UNK: variants seen among roughly 807,000 people sequenced by gnomAD.
The protein encoded by UNK is RING finger protein unkempt homolog.
A neutral mutation model predicts 97.6 loss-of-function variants in UNK; 32 were observed. The observed-to-expected ratio is 0.33, with a 90% confidence interval of 0.25 to 0.44. The LOEUF (loss-of-function observed/expected upper bound fraction) is 0.44, where lower values mean the gene tolerates loss of function less well. Ranked by LOEUF, UNK falls within the 20% of genes least tolerant of loss-of-function variation. UNK has a pLI of 1.00. For synonymous variants in UNK, 441 were observed against 461.2 expected, an observed-to-expected ratio of 0.96 and a Z score of 0.56; for missense variants, 771 against 1,098.4, an observed-to-expected ratio of 0.70 and a Z score of 4.21.
rs1472524784 is a variant in UNK, at chr17:75,791,923, C to A, written c.104+6939C>A. ...CTTGGGCACACTCTATAAAGGAGCT[C>A]CTTCTCTGCAAATAGCACCCCAGAT... On this transcript the variant is annotated intron_variant, in intron 1 of 15. Transcript: ENST00000589666. The A allele has an allele frequency of 3.0e-6, 3 of 985,274 alleles. No individual in the cohort carries two copies. In the African/African-American group the frequency reaches 5.2e-5, roughly 17 times the overall value. The allele number at this position is 985,274 out of a possible 1,614,324, so 61.0% of individuals were successfully genotyped here.
intron 1 of UNK, chr17:75,785,198 C>T (rs1042545902): frequency 4.0e-6 from 2 of 506,034 alleles, no homozygotes; most frequent in Non-Finnish European, 6.9e-6. Flanking sequence ...AACTCGGTCC[C>T]GGCCGCCGAG....
intron 1 of UNK, among the ~76,000 whole-genome samples, chr17:75,794,707 C>T (rs1160103302): frequency 6.6e-6 from 1 of 152,014 alleles, no homozygotes; most frequent in Non-Finnish European, 1.5e-5. Flanking sequence ...AGGGTCACAC[C>T]ACCTGGGTTT....
chr17:75,801,466 G>A (rs192381875), intron 1 of UNK, among the ~76,000 whole-genome samples: 2 of 152,232 alleles, frequency 1.3e-5, no homozygotes, highest in Admixed American at 1.3e-4. Flanking sequence ...GCAATGAGCT[G>A]TGATTACACT....
chr17:75,795,897 A>G (rs958780392), intron 1 of UNK, among the ~76,000 whole-genome samples: 3 of 152,210 alleles, frequency 2.0e-5, no homozygotes, highest in Admixed American at 2.0e-4. Context: ...CAGGTGTCAG[A>G]AAGTTCCAGT....
intron 1 of UNK, chr17:75,809,047 C>T (rs947791875): frequency 8.1e-6 from 1 of 123,132 alleles, no homozygotes; most frequent in Admixed American, 1.1e-4. Flanking sequence ...CAGGTACTCA[C>T]ATGAGGTGAC....
intron 14 of UNK, 137 bp downstream of exon 14, chr17:75,822,795 G>T (rs565408078): frequency 2.6e-6 from 3 of 1,137,068 alleles, no homozygotes; most frequent in Non-Finnish European, 3.6e-6. Context: ...TTGTTCGCTC[G>T]CTCTCCCCCT....
rs2062035857 is a variant in UNK, at chr17:75,818,384, C to CA, written c.1371+217dup. Among the ~76,000 whole-genome samples, 1 of 152,156 alleles carries CA rather than the reference C, an allele frequency of 6.6e-6. No homozygotes were observed. The highest frequency in any genetic ancestry group is 6.5e-5 in the Admixed American group (1 of 15,284). ...GGAGAAGGTGTTCCTGGAGCCTCTG[C>CA]ACTCTGCCAGGCCCTGTACTCGCTT... On this transcript the variant is annotated intron_variant, in intron 10 of 15. Transcript: ENST00000589666. The surrounding 1 kb of genome is among the most constrained non-coding windows in gnomAD (Gnocchi z 5.1).
chr17:75,818,742 C>T lies in UNK; in HGVS notation c.1472C>T (p.Thr491Ile), dbSNP rs778898668. 1.7e-5 allele frequency: 28 copies of T among 1,613,116 alleles called. No individual in the cohort carries two copies. The highest frequency in any genetic ancestry group is 8.5e-7 in the Non-Finnish European group (1 of 1,179,584). Residue 491 changes from threonine (T) to isoleucine (I), a missense_variant, in exon 11 of 16, where the codon ACC (threonine) becomes ATC (isoleucine). Coordinates refer to ENST00000589666, the MANE Select transcript of UNK (RefSeq NM_001080419.3). This position sits in a 1 kb window ranked among gnomAD's most constrained non-coding sequence, Gnocchi z 5.1. The part of the protein sequence containing the change: ...LAATPPSPVG[T>I]SSVPGMNANA... ...GCTACCCCCCCTAGCCCAGTGGGCA[C>T]CAGCAGCGTCCCCGGCATGAATGCA...
rs1209054696 is a variant in UNK, at chr17:75,818,563, C to T, written c.1372-79C>T. ...CTAGCACGGGCCATTTCCCTTGCCC[C>T]CAGCCCCTCTCCAGCCTCTCGTCCT... On this transcript the variant is annotated intron_variant, in intron 10 of 15. Transcript: ENST00000589666. This position sits in a 1 kb window ranked among gnomAD's most constrained non-coding sequence, Gnocchi z 5.1. 6.7e-7 allele frequency: 1 copy of T among 1,482,636 alleles called. No homozygotes were observed. The allele number at this position is 1,482,636 out of a possible 1,614,324, so 91.8% of individuals were successfully genotyped here.
chr17:75,794,515 G>A (rs1199822560), intron 1 of UNK, among the ~76,000 whole-genome samples: 1 of 152,020 alleles, frequency 6.6e-6, no homozygotes, highest in African/African-American at 2.4e-5. Flanking sequence ...GCGGGCACCT[G>A]TAATCCCAGC....
rs548755650 is a variant in UNK, at chr17:75,818,919, C to T, written c.1546+103C>T. 3.6e-5 allele frequency: 48 copies of T among 1,336,306 alleles called. No individual in the cohort carries two copies. Among genetic ancestry groups the T allele is most frequent in the Admixed American group, 1.6e-4 (5 of 30,834 alleles). 82.8% of individuals were successfully genotyped at this position (1,336,306 alleles called of 1,614,324 possible). On this transcript the variant is annotated intron_variant, in intron 11 of 15. Coordinates refer to ENST00000589666, the MANE Select transcript of UNK (RefSeq NM_001080419.3). The surrounding 1 kb of genome is among the most constrained non-coding windows in gnomAD (Gnocchi z 5.1). ...AAATCAGCACACCAGACCCCTTAGA[C>T]ATCTGTCTTCGGAAAATCAGGGGAT... is the stretch of plus-strand genomic sequence containing the variant.
chr17:75,797,304 C>T (rs907980637), intron 1 of UNK, among the ~76,000 whole-genome samples: 1 of 152,182 alleles, frequency 6.6e-6, no homozygotes, highest in Non-Finnish European at 1.5e-5. Flanking sequence ...GGCGCAATCT[C>T]GGCTCACTAC....
intron 1 of UNK, among the ~76,000 whole-genome samples, chr17:75,798,134 G>A (rs899618048): frequency 1.4e-4 from 21 of 149,210 alleles, no homozygotes; most frequent in Admixed American, 8.1e-4. Flanking sequence ...GCAATGGCAC[G>A]ATTTCGGCTC....
rs376502253 is a variant in UNK, at chr17:75,812,250, C to T, written c.453C>T (p.His151=). 2.6e-5 allele frequency: 42 copies of T among 1,613,714 alleles called. No individual in the cohort carries two copies. The highest frequency in any genetic ancestry group is 1.6e-4 in the Middle Eastern group (1 of 6,062). Residue 151 remains histidine (H), a synonymous_variant, in exon 3 of 16, where the codon CAC becomes CAT. Coordinates refer to ENST00000589666, the MANE Select transcript of UNK (RefSeq NM_001080419.3). ...ACGGCCTGCACTGCGCTTTTGCCCACGGGCCCCATGACCTCCGCTCCCCTG... is the reference window on the plus strand; with the variant it reads ...ACGGCCTGCACTGCGCTTTTGCCCATGGGCCCCATGACCTCCGCTCCCCTG... ...TKNGLHCAFA[H]GPHDLRSPVY...
intron 13 of UNK, chr17:75,821,296 T>C (rs1271859637): frequency 4.6e-6 from 2 of 438,750 alleles, no homozygotes; most frequent in Non-Finnish European, 9.2e-6. Context: ...CACAGGTGTA[T>C]TGATACAGGT....
At position 75,817,497 on chromosome 17, in the gene UNK, G is replaced by A. The variant is rs2062028194; in HGVS notation, c.1276G>A (p.Ala426Thr). Residue 426 changes from alanine (A) to threonine (T), a missense_variant, in exon 9 of 16, where the codon GCC (alanine) becomes ACC (threonine). By Grantham distance (58) the Ala-to-Thr change is moderately conservative. Transcript: ENST00000589666. This position sits in a 1 kb window ranked among gnomAD's most constrained non-coding sequence, Gnocchi z 5.8. Reference sequence around the variant, plus strand: ...CTTCGAGAGGGAAGACCAGGTGGGAGCCGAGTACCTGAAAAATTTCAAATG... The same window carrying A: ...CTTCGAGAGGGAAGACCAGGTGGGAACCGAGTACCTGAAAAATTTCAAATG... Reference protein sequence around the residue: ...PGFEREDQVGAEYLKNFKCQA... With the variant: ...PGFEREDQVGTEYLKNFKCQA... 1.2e-6 allele frequency: 2 copies of A among 1,611,140 alleles called. No homozygotes were observed. The highest frequency in any genetic ancestry group is 1.7e-6 in the Non-Finnish European group (2 of 1,178,334).
chr17:75,805,021 A>G (rs946225344), intron 1 of UNK, among the ~76,000 whole-genome samples: 9 of 151,218 alleles, frequency 6.0e-5, no homozygotes, highest in African/African-American at 1.5e-4. Context: ...CTCTACTAAC[A>G]ATACAAAAAA....
chr17:75,807,599 C>G (rs751248086), intron 1 of UNK, among the ~76,000 whole-genome samples: 15 of 152,188 alleles, frequency 9.9e-5, no homozygotes, highest in Non-Finnish European at 2.1e-4. Flanking sequence ...ACTACAGGCA[C>G]ACGCCACCAC....
At position 75,818,673 on chromosome 17, in the gene UNK, C is replaced by A. The variant is rs746649663; in HGVS notation, c.1403C>A (p.Pro468His). 3.7e-6 allele frequency: 6 copies of A among 1,608,450 alleles called. No individual in the cohort carries two copies. The highest frequency in any genetic ancestry group is 1.3e-5 in the African/African-American group (1 of 74,746). The change falls in exon 11 of 16, where the codon CCC (proline) becomes CAC (histidine). Residue 468 changes from proline (P) to histidine (H), a missense_variant. By Grantham distance (77) the Pro-to-His change is moderately conservative. Coordinates refer to ENST00000589666, the MANE Select transcript of UNK (RefSeq NM_001080419.3). This position sits in a 1 kb window ranked among gnomAD's most constrained non-coding sequence, Gnocchi z 5.1. ...DMLGILPAGSPLTSSISSSIT... is the reference protein window; with the variant it reads ...DMLGILPAGSHLTSSISSSIT... ...CTGGGCATCCTCCCCGCAGGCAGCC[C>A]CCTGACCTCAAGCATCTCTTCTAGT...
Sources: allele counts gnomAD v4.1 joint callset (sites outside exome capture counted in the v4.1 genomes callset), GRCh38; gene constraint gnomAD v4.1.1; non-coding constraint Gnocchi (gnomAD v3.1); transcripts MANE v1.5; gene names NCBI Gene and HGNC (gene_info 2026-07-23, HGNC 2026-07-21).